Variants in IL27RA observed in about 807,000 individuals in gnomAD.
IL27RA encodes interleukin-27 receptor subunit alpha.
Under a neutral mutation model 80.8 loss-of-function variants are expected in IL27RA, and 61 were observed. The ratio of observed to expected loss-of-function variants is 0.76; its 90% CI spans 0.61 to 0.93. IL27RA has a LOEUF of 0.93. Among genes scored for constraint, IL27RA ranks in the 40% least tolerant of loss-of-function variants. IL27RA has a pLI of 0.00. For missense variants in IL27RA, 735 were observed against 808.1 expected, an observed-to-expected ratio of 0.91 and a Z score of 1.10; for synonymous variants, 316 against 332.5, an observed-to-expected ratio of 0.95 and a Z score of 0.54.
At chr19:14,041,496 C>T (rs1201223358) in intron 4 of IL27RA, among the ~76,000 whole-genome samples, 1 of 152,136 alleles carries the variant, frequency 6.6e-6, no homozygotes, top group African/African-American at 2.4e-5. Flanking sequence ...CCACCTCACC[C>T]GGCTGAGATG....
intron 2 of IL27RA, among the ~76,000 whole-genome samples, chr19:14,033,515 G>C (rs1445539194): frequency 6.6e-6 from 1 of 151,346 alleles, no homozygotes; most frequent in Non-Finnish European, 1.5e-5. Context: ...CAGATTACTT[G>C]AGGTCAGGAG....
rs1252562514 is a variant in IL27RA at position 14,050,850 on chromosome 19, C to A, written c.1495C>A (p.Pro499Thr). The A allele has an allele frequency of 6.2e-7, 1 of 1,612,102 alleles. No homozygotes were observed. The highest frequency in any genetic ancestry group is 2.2e-5 in the East Asian group (1 of 44,832). ...VTASTIAGQG[P>T]PGPILRLHLP... is the part of the protein sequence containing the mutation. ...AGCATCTACCATCGCTGGACAGGGC[C>A]CTCCTGGTCCCATCCTCCGGCTTCA... The change falls in exon 11 of 14, where the codon CCT (proline) becomes ACT (threonine). Residue 499 changes from proline to threonine, a missense_variant. Transcript: ENST00000263379.
In IL27RA at chr19:14,046,425, T is replaced by C; in HGVS notation, c.953-5T>C. ...GGGCAGCTGAGACTTCTCTCCACCC[T>C]CCAGATTCAGCCTCTGCCCCCCGTA... On this transcript the variant is annotated splice_region_variant and splice_polypyrimidine_tract_variant and intron_variant, in intron 7 of 13. Transcript: ENST00000263379. 4 of 1,614,098 alleles carry C rather than the reference T, an allele frequency of 2.5e-6. No individual in the cohort carries two copies. The highest frequency in any genetic ancestry group is 3.4e-6 in the Non-Finnish European group (4 of 1,180,012).
chr19:14,048,956 T>C (rs1342473264), intron 8 of IL27RA, 25 bp from the exon 9 acceptor site: 2 of 1,599,164 alleles, frequency 1.3e-6, no homozygotes, highest in African/African-American at 2.7e-5. Context: ...CAACTCTAAC[T>C]GGTCTTTATT....
In IL27RA at chr19:14,050,112, T is replaced by G. The variant is rs113175365; in HGVS notation, c.1403-646T>G. Among the ~76,000 whole-genome samples the G allele has an allele frequency of 7.6e-3, 1,157 of 151,986 alleles. 6 individuals carry two copies. The highest frequency in any genetic ancestry group is 0.017 in the Middle Eastern group (5 of 290). On this transcript the variant is annotated intron_variant, in intron 10 of 13. Transcript: ENST00000263379. Reference sequence around the variant, plus strand: ...GGCTGAGGCACTAGAATTGCTTGAATCCGGGAGGTGGAGGTTGCAGTGAGC... The same window carrying G: ...GGCTGAGGCACTAGAATTGCTTGAAGCCGGGAGGTGGAGGTTGCAGTGAGC...
Position 14,039,734 on chromosome 19 carries a change from C to T in IL27RA, c.377-19C>T. The T allele has an allele frequency of 1.9e-6, 3 of 1,612,216 alleles. No homozygotes were observed. The highest frequency in any genetic ancestry group is 2.5e-6 in the Non-Finnish European group (3 of 1,178,928). ...CTTGGAGGGCGTGGCTCACTACACCCTAGTTTCCCCTTCCCCAGTGAAGCC... is the reference window on the plus strand; with the variant it reads ...CTTGGAGGGCGTGGCTCACTACACCTTAGTTTCCCCTTCCCCAGTGAAGCC... On this transcript the variant is annotated intron_variant, in intron 3 of 13. Coordinates refer to ENST00000263379, the MANE Select transcript of IL27RA (RefSeq NM_004843.4).
At chr19:14,042,875 A>G (rs1671677063) in intron 6 of IL27RA, 86 bp downstream of exon 6, 1 of 1,231,312 alleles carries the variant, frequency 8.1e-7, no homozygotes, top group Non-Finnish European at 1.2e-6. Context: ...GCAGTGGCTC[A>G]CGCTTGTAAT....
rs1305787615 is a variant in IL27RA, at chr19:14,047,677, G to A, written c.1141+1059G>A. ...TGGCCCTTTTTTTTTTTTTTTTTTTGGAGTCTTGCTCTGTCGCCCAGGCTG... is the reference window on the plus strand; with the variant it reads ...TGGCCCTTTTTTTTTTTTTTTTTTTAGAGTCTTGCTCTGTCGCCCAGGCTG... On this transcript the variant is annotated intron_variant, in intron 8 of 13. Transcript: ENST00000263379. 5.3e-4 allele frequency among the ~76,000 whole-genome samples: 39 copies of A among 73,358 alleles called. No homozygotes were observed. In the Admixed American group the frequency reaches 5.4e-3, roughly 10 times the overall value. The allele number at this position is 73,358 out of a possible 152,430, so 48.1% of individuals were successfully genotyped here.
At position 14,046,584 on chromosome 19, in the gene IL27RA, G is replaced by A; in HGVS notation, c.1107G>A (p.Arg369=). The A allele has an allele frequency of 6.2e-7, 1 of 1,611,988 alleles. No homozygotes were observed. Among genetic ancestry groups the A allele is most frequent in the Non-Finnish European group, 8.5e-7 (1 of 1,178,822 alleles). ...CCCTGGAGAAACTCAACTGGGTCCG[G>A]CTTCCCCCTGGGAACCTCAGTGCTC... ...GDPLEKLNWV[R]LPPGNLSALL... The change falls in exon 8 of 14, where the codon CGG becomes CGA. Residue 369 remains arginine (R), a synonymous_variant. Coordinates refer to ENST00000263379, the MANE Select transcript of IL27RA (RefSeq NM_004843.4).
At chr19:14,043,922 C>T (rs1976026003) in intron 6 of IL27RA, among the ~76,000 whole-genome samples, 1 of 150,874 alleles carries the variant, frequency 6.6e-6, no homozygotes, top group South Asian at 2.1e-4. Flanking sequence ...GTGGCAGGCA[C>T]CTGTAATCCC....
At chr19:14,032,204 G>A (rs2306192) in intron 1 of IL27RA, among the ~76,000 whole-genome samples, 182 bp from the exon 2 acceptor site, 62,501 of 151,988 alleles carry the variant, frequency 0.41, 16,476 homozygotes, top group African/African-American at 0.74. Flanking sequence ...AGGATGTGGC[G>A]AGCACAGGGA....
chr19:14,048,913 A>G, intron 8 of IL27RA, 68 bp from the exon 9 acceptor site: 1 of 1,349,498 alleles, frequency 7.4e-7, no homozygotes, highest in Admixed American at 1.7e-5. Context: ...ACCCCAGTGA[A>G]GACACCTAGG....
intron 13 of IL27RA, 47 bp from the exon 14 acceptor site, chr19:14,052,049 G>A (rs373926691): frequency 1.2e-5 from 19 of 1,590,038 alleles, no homozygotes; most frequent in Admixed American, 1.8e-5. Flanking sequence ...GGGGTGAGGT[G>A]TGGGTCGGGG....
Position 14,042,715 on chromosome 19 carries a change from G to C in IL27RA, c.695-1G>C. ...GTTCCCCGTTTCCTCATCCTTGCCA[G>C]CTCCAAAAGATGTGTGGGTATCAGG... is the stretch of plus-strand genomic sequence containing the variant. On this transcript the variant is annotated splice_acceptor_variant, in intron 5 of 13. Transcript: ENST00000263379. LOFTEE classifies it high-confidence loss of function. 1.9e-6 allele frequency: 3 copies of C among 1,614,114 alleles called. No homozygotes were observed. The highest frequency in any genetic ancestry group is 2.5e-6 in the Non-Finnish European group (3 of 1,180,018).
At chr19:14,038,894 A>G (rs1247627219) in intron 2 of IL27RA, among the ~76,000 whole-genome samples, 2 of 146,520 alleles carry the variant, frequency 1.4e-5, no homozygotes, top group East Asian at 3.9e-4. Flanking sequence ...CAAAAGAAAA[A>G]AAAAAGAGAG....
At position 14,052,615 on chromosome 19, in the gene IL27RA, C is replaced by A; in HGVS notation, c.*325C>A. 1 of 245,130 alleles carries A rather than the reference C, an allele frequency of 4.1e-6. No individual in the cohort carries two copies. The highest frequency in any genetic ancestry group is 7.8e-6 in the Non-Finnish European group (1 of 128,576). 15.2% of individuals were successfully genotyped at this position (245,130 alleles called of 1,614,324 possible). A position where few individuals can be genotyped will look rare whatever the true frequency, so the allele number is the denominator to read the frequency against. On this transcript the variant is annotated 3_prime_UTR_variant, in exon 14 of 14. Transcript: ENST00000263379. Reference sequence around the variant, plus strand: ...GCACAGTGGCTCACGCCTGTAATCCCAGCACTTTGGCAGGCCAAGGTGGAA... The same window carrying A: ...GCACAGTGGCTCACGCCTGTAATCCAAGCACTTTGGCAGGCCAAGGTGGAA...
chr19:14,031,876 CG>C lies in IL27RA; in HGVS notation c.8del (p.Gly3GlufsTer48), dbSNP rs776680875. 1.1e-4 allele frequency: 173 copies of C among 1,594,726 alleles called. No homozygotes were observed. Among genetic ancestry groups the C allele is most frequent in the Non-Finnish European group, 2.0e-5 (24 of 1,172,032 alleles). On this transcript the variant is annotated frameshift_variant, in exon 1 of 14. Coordinates refer to ENST00000263379, the MANE Select transcript of IL27RA (RefSeq NM_004843.4). LOFTEE classifies it high-confidence loss of function. Reference protein sequence around the residue: MRGGRGAPFWLW... With the variant: MXGGRGAPFWLW... ...CTCGGGGCTCCCGAGGGACGCCATGCGGGGAGGCAGGGGCGCCCCTTTCTGG... is the reference window on the plus strand; with the variant it reads ...CTCGGGGCTCCCGAGGGACGCCATGCGGGAGGCAGGGGCGCCCCTTTCTGG...
At position 14,033,726 on chromosome 19, in the gene IL27RA, G is replaced by A. The variant is rs546647944; in HGVS notation, c.218+1223G>A. On this transcript the variant is annotated intron_variant, in intron 2 of 13. Coordinates refer to ENST00000263379, the MANE Select transcript of IL27RA (RefSeq NM_004843.4). ...TCACGCCTATAATCTCAGCACTTTG[G>A]GAGGCCGAGGCGGGCAGATCACGAG... 2.4e-4 allele frequency among the ~76,000 whole-genome samples: 36 copies of A among 149,904 alleles called. No individual in the cohort carries two copies. The South Asian group carries it at 7.0e-3, about 29-fold the overall frequency.
rs768827448 is a variant in IL27RA at position 14,046,136 on chromosome 19, T to C, written c.769-18T>C. 2 of 1,608,424 alleles carry C rather than the reference T, an allele frequency of 1.2e-6. No individual in the cohort carries two copies. The highest frequency in any genetic ancestry group is 3.4e-5 in the Admixed American group (2 of 59,064). ...GATTAATGGGAGACATTAACCCCTTTTTCCCTTCATCTCTCAGGCCCCAGG... is the reference window on the plus strand; with the variant it reads ...GATTAATGGGAGACATTAACCCCTTCTTCCCTTCATCTCTCAGGCCCCAGG... On this transcript the variant is annotated intron_variant, in intron 6 of 13. Transcript: ENST00000263379.
Sources: gnomAD v4.1 joint callset for allele counts (sites outside exome capture counted in the v4.1 genomes callset) on GRCh38, gnomAD v4.1.1 for gene constraint, MANE v1.5 for transcripts, NCBI Gene and HGNC (gene_info 2026-07-23, HGNC 2026-07-21) for gene names.